The following KRT81 variants were observed in gnomAD, a reference collection of about 807,000 sequenced individuals.
The protein encoded by KRT81 is keratin 81.
KRT81 carries 35 observed loss-of-function variants against 35.8 expected under a neutral mutation model. That is an observed-to-expected ratio of 0.98 (90% CI 0.75 to 1.30). KRT81 has a LOEUF of 1.30. Among genes scored for constraint, KRT81 ranks in the 50% most tolerant of loss-of-function variants. The pLI, the probability that KRT81 is intolerant of heterozygous loss-of-function variation, is 0.00. For synonymous variants in KRT81, 249 were observed against 251.2 expected, an observed-to-expected ratio of 0.99 and a Z score of 0.08; for missense variants, 531 against 577.4, an observed-to-expected ratio of 0.92 and a Z score of 0.82.
Position 52,291,519 on chromosome 12 carries a change from G to T in KRT81, c.-54C>A. On this transcript the variant is annotated 5_prime_UTR_variant, in exon 1 of 9. Transcript: ENST00000327741. The stretch of plus-strand genomic sequence containing the variant: ...GACAGGATAGGGGACCTGGAGTCCT[G>T]ATGGAAACTCCAATGTGCTCCTCAG... 1.2e-6 allele frequency: 2 copies of T among 1,604,278 alleles called. No individual in the cohort carries two copies. The highest frequency in any genetic ancestry group is 1.7e-6 in the Non-Finnish European group (2 of 1,174,670).
At chr12:52,288,587 C>A in intron 3 of KRT81, 131 bp from the exon 4 acceptor site, 1 of 1,103,202 alleles carries the variant, frequency 9.1e-7, no homozygotes, top group South Asian at 1.2e-5. Context: ...CCTTTCCTCC[C>A]CTTCTGCCCT....
At position 52,286,342 on chromosome 12, in the gene KRT81, G is replaced by A; in HGVS notation, c.1431C>T (p.Thr477=). The change falls in exon 9 of 9, where the codon ACC becomes ACT. Residue 477 remains threonine, a synonymous_variant. Transcript: ENST00000327741. ...CCACGCCGCAGGAACCCCCTCCGCA[G>A]GTGGTGTTCAATTGGCCGCAGGGCG... ...LCAPCGQLNT[T]CGGGSCGVGS... 2 of 1,555,286 alleles carry A rather than the reference G, an allele frequency of 1.3e-6. No individual in the cohort carries two copies. The highest frequency in any genetic ancestry group is 1.2e-5 in the South Asian group (1 of 84,254).
At position 52,286,432 on chromosome 12, in the gene KRT81, T is replaced by C; in HGVS notation, c.1341A>G (p.Pro447=). The part of the protein sequence containing the change: ...CGDLCVSGSR[P]VTGSVCSAPC... ...GAGCGCTGCAGACACTGCCAGTCAC[T>C]GGCCGGGAGCCTGACACGCAGAGGT... is the stretch of plus-strand genomic sequence containing the variant. The change falls in exon 9 of 9, where the codon CCA becomes CCG. Residue 447 remains proline, a synonymous_variant. Transcript: ENST00000327741. The C allele has an allele frequency of 3.9e-6, 6 of 1,553,024 alleles. No individual in the cohort carries two copies. Among genetic ancestry groups the C allele is most frequent in the Non-Finnish European group, 5.2e-6 (6 of 1,148,020 alleles).
chr12:52,286,419 C>T lies in KRT81; in HGVS notation c.1354G>A (p.Val452Ile). 1 of 1,553,432 alleles carries T rather than the reference C, an allele frequency of 6.4e-7. No homozygotes were observed. The highest frequency in any genetic ancestry group is 2.4e-5 in the East Asian group (1 of 41,186). The change falls in exon 9 of 9, where the codon GTC (valine) becomes ATC (isoleucine). Residue 452 changes from valine (V) to isoleucine (I), a missense_variant. By Grantham distance (29) the Val-to-Ile change is conservative. Coordinates refer to ENST00000327741, the MANE Select transcript of KRT81 (RefSeq NM_002281.4). ...TTCCCGTTGCACGGAGCGCTGCAGA[C>T]ACTGCCAGTCACTGGCCGGGAGCCT... Reference protein sequence around the residue: ...VSGSRPVTGSVCSAPCNGNVA... With the variant: ...VSGSRPVTGSICSAPCNGNVA...
At chr12:52,287,824 C>T in intron 5 of KRT81, 103 bp from the exon 6 acceptor site, 2 of 1,607,630 alleles carry the variant, frequency 1.2e-6, no homozygotes, top group East Asian at 4.5e-5. Context: ...GCCTGTGCAG[C>T]CACACATGGC....
chr12:52,291,411 C>T lies in KRT81; in HGVS notation c.55G>A (p.Gly19Arg), dbSNP rs555244465. ...ATGCAGCAGCGGCCGGGCCGCGGCC[C>T]GCAGGCCGAGATGCAGCTGAAGGCG... is the stretch of plus-strand genomic sequence containing the variant. ...GRAFSCISAC[G>R]PRPGRCCITA... Residue 19 changes from glycine (G) to arginine (R), a missense_variant, in exon 1 of 9, where the codon GGG becomes AGG. Around this residue, in one of 5 missense-constraint regions of KRT81, gnomAD observed 133 missense variants for 125.9 expected, o/e 1.06. Transcript: ENST00000327741. The T allele has an allele frequency of 3.3e-5, 53 of 1,611,304 alleles. No individual in the cohort carries two copies. Among genetic ancestry groups the T allele is most frequent in the Middle Eastern group, 1.7e-4 (1 of 6,032 alleles).
rs1460640142 is a variant in KRT81 at position 52,291,259 on chromosome 12, G to A, written c.207C>T (p.Gly69=). The A allele has an allele frequency of 2.0e-6, 3 of 1,520,748 alleles. No individual in the cohort carries two copies. Among genetic ancestry groups the A allele is most frequent in the East Asian group, 4.9e-5 (2 of 40,422 alleles). The allele number at this position is 1,520,748 out of a possible 1,614,324, so 94.2% of individuals were successfully genotyped here. A position where few individuals can be genotyped will look rare whatever the true frequency, so the allele number is the denominator to read the frequency against. The change falls in exon 1 of 9, where the codon GGC becomes GGT. Residue 69 remains glycine (G), a synonymous_variant. Coordinates refer to ENST00000327741, the MANE Select transcript of KRT81 (RefSeq NM_002281.4). ...CGRSFGYRSG[G]VCGPSPPCIT... is the part of the protein sequence containing the mutation. ...TGCATGGGGGACTGGGCCCGCACAC[G>A]CCCCCGGAGCGGTAGCCGAAGCTGC...
At position 52,288,023 on chromosome 12, in the gene KRT81, G is replaced by A. The variant is rs1565741180; in HGVS notation, c.861C>T (p.Thr287=). 9.3e-6 allele frequency: 15 copies of A among 1,614,098 alleles called. No homozygotes were observed. Among genetic ancestry groups the A allele is most frequent in the African/African-American group, 2.7e-5 (2 of 74,920 alleles). The change falls in exon 5 of 9, where the codon ACC becomes ACT. Residue 287 remains threonine, a synonymous_variant. Coordinates refer to ENST00000327741, the MANE Select transcript of KRT81 (RefSeq NM_002281.4). ...AGGACTCGGCCTCGGCCCGGCTGCGGGTGACAATGTCGTCATACTGTGCCT... is the reference window on the plus strand; with the variant it reads ...AGGACTCGGCCTCGGCCCGGCTGCGAGTGACAATGTCGTCATACTGTGCCT... ...EIKAQYDDIV[T]RSRAEAESWY...
At position 52,288,290 on chromosome 12, in the gene KRT81, G is replaced by A. The variant is rs558818478; in HGVS notation, c.735+71C>T. ...GGACTGCAACCTCTACCCACATCCT[G>A]TCCAACACTCCCACCCCCAACTCTC... On this transcript the variant is annotated intron_variant, in intron 4 of 8. Coordinates refer to ENST00000327741, the MANE Select transcript of KRT81 (RefSeq NM_002281.4). The A allele has an allele frequency of 1.9e-6, 3 of 1,607,560 alleles. No homozygotes were observed. In the South Asian group the frequency reaches 3.3e-5, roughly 18 times the overall value.
chr12:52,287,013 AG>A, intron 7 of KRT81, 88 bp downstream of exon 7: 1 of 1,606,598 alleles, frequency 6.2e-7, no homozygotes, highest in South Asian at 1.1e-5. Context: ...TTTCCCCCAG[AG>A]CCCTGGCCAT....
chr12:52,288,416 G>A lies in KRT81; in HGVS notation c.680C>T (p.Ala227Val). Reference sequence around the variant, plus strand: ...CTCCTGGATCAGGGCCTCCACGTTGGCCTCCAGGTCTGACTTGCGGAGGTA... The same window carrying A: ...CTCCTGGATCAGGGCCTCCACGTTGACCTCCAGGTCTGACTTGCGGAGGTA... ...CAYLRKSDLE[A>V]NVEALIQEID... Residue 227 changes from alanine to valine, a missense_variant, in exon 4 of 9, where the codon GCC (alanine) becomes GTC (valine). Ala to Val is a moderately conservative substitution (Grantham distance 64). Transcript: ENST00000327741. The A allele has an allele frequency of 6.2e-7, 1 of 1,614,138 alleles. No individual in the cohort carries two copies. Among genetic ancestry groups the A allele is most frequent in the Admixed American group, 1.7e-5 (1 of 60,026 alleles).
intron 6 of KRT81, 77 bp downstream of exon 6, chr12:52,287,519 C>T: frequency 3.7e-6 from 6 of 1,612,998 alleles, no homozygotes; most frequent in Non-Finnish European, 5.1e-6. Context: ...TGCTGAGATC[C>T]AGGTAGGGCA....
rs1305830388 is a variant in KRT81 at position 52,286,261 on chromosome 12, T to C, written c.1512A>G (p.Lys504=). ...GVGSCGSSCR[K]C ...GGGACTTGAGTTGGGGTGCCTAACA[T>C]TTCCGGCAGCTGCTGCCGCAAGACC... The change falls in exon 9 of 9, where the codon AAA becomes AAG. Residue 504 remains lysine (K), a synonymous_variant. Transcript: ENST00000327741. The C allele has an allele frequency of 6.4e-7, 1 of 1,553,982 alleles. No homozygotes were observed. The highest frequency in any genetic ancestry group is 8.7e-7 in the Non-Finnish European group (1 of 1,148,348).
chr12:52,286,514 G>A, intron 8 of KRT81, 21 bp from the exon 9 acceptor site: 1 of 1,550,438 alleles, frequency 6.4e-7, no homozygotes, highest in Non-Finnish European at 8.7e-7. Context: ...CGAAGGCTGA[G>A]TCAAAATTCT....
intron 8 of KRT81, 114 bp from the exon 9 acceptor site, chr12:52,286,607 TG>T (rs1937947490): frequency 7.8e-7 from 1 of 1,281,010 alleles, no homozygotes; most frequent in Admixed American, 2.0e-5. Context: ...AGCATCTTTG[TG>T]GACAATTCTA....
At position 52,288,393 on chromosome 12, in the gene KRT81, C is replaced by G; in HGVS notation, c.703G>C (p.Glu235Gln). 1 of 1,614,164 alleles carries G rather than the reference C, an allele frequency of 6.2e-7. No homozygotes were observed. The change falls in exon 4 of 9, where the codon GAG (glutamate) becomes CAG (glutamine). Residue 235 changes from glutamate to glutamine, a missense_variant. Around this residue, in one of 5 missense-constraint regions of KRT81, gnomAD observed 194 missense variants for 198.2 expected, o/e 0.98. Transcript: ENST00000327741. The part of the protein sequence containing the change: ...LEANVEALIQ[E>Q]IDFLRRLYEE... ...TACAGCCGCCTCAGGAAGTCGATCT[C>G]CTGGATCAGGGCCTCCACGTTGGCC...
intron 3 of KRT81, 111 bp from the exon 4 acceptor site, chr12:52,288,567 C>T (rs1592425387): frequency 2.3e-6 from 3 of 1,282,786 alleles, no homozygotes; most frequent in East Asian, 4.6e-5. Context: ...CCTGGTGTCC[C>T]ATTCCCATGC....
At position 52,291,330 on chromosome 12, in the gene KRT81, C is replaced by T. The variant is rs1400310122; in HGVS notation, c.136G>A (p.Gly46Ser). 1.9e-6 allele frequency: 3 copies of T among 1,555,806 alleles called. No individual in the cohort carries two copies. Among genetic ancestry groups the T allele is most frequent in the Non-Finnish European group, 8.7e-7 (1 of 1,151,676 alleles). The stretch of plus-strand genomic sequence containing the variant: ...AAGCCTCCGCACACGCTGTGGCTGC[C>T]GAAGCCCCCGGTGAGGCCGCGGTAG... ...SCYRGLTGGF[G>S]SHSVCGGFRA... Residue 46 changes from glycine to serine, a missense_variant, in exon 1 of 9, where the codon GGC becomes AGC. Around this residue, in one of 5 missense-constraint regions of KRT81, gnomAD observed 133 missense variants for 125.9 expected, o/e 1.06. Transcript: ENST00000327741.
At chr12:52,286,893 A>G (rs1937960550) in intron 7 of KRT81, 71 bp from the exon 8 acceptor site, 1 of 1,581,544 alleles carries the variant, frequency 6.3e-7, no homozygotes, top group Non-Finnish European at 8.7e-7. Context: ...CCCAGTTCAT[A>G]GGGTAGGGTC....
Sources: gnomAD v4.1 joint callset for allele counts on GRCh38, gnomAD v4.1.1 for gene constraint, gnomAD v4.1.1 regional missense constraint, MANE v1.5 for transcripts, NCBI Gene and HGNC (gene_info 2026-07-23, HGNC 2026-07-21) for gene names.